PTPRG: variants seen among roughly 807,000 people sequenced by gnomAD.
PTPRG encodes protein tyrosine phosphatase receptor type G, also known as receptor-type tyrosine-protein phosphatase gamma.
In PTPRG, 102 loss-of-function variants were observed where a neutral mutation model predicts 165.3. That is an observed-to-expected ratio of 0.62 (90% CI 0.53 to 0.73). The LOEUF (loss-of-function observed/expected upper bound fraction) is 0.73, where lower values mean the gene tolerates loss of function less well. Ranked by LOEUF, PTPRG falls within the 30% of genes least tolerant of loss-of-function variation. The pLI is 0.00. For missense variants in PTPRG, 1,866 were observed against 1,861.4 expected, an observed-to-expected ratio of 1.00 and a Z score of -0.05; for synonymous variants, 675 against 669.5, an observed-to-expected ratio of 1.01 and a Z score of -0.13.
intron 5 of PTPRG, among the ~76,000 whole-genome samples, chr3:62,104,671 T>TTAA (rs908305659): frequency 1.3e-5 from 2 of 152,214 alleles, no homozygotes; most frequent in African/African-American, 4.8e-5. Flanking sequence ...GGACTTGAGC[T>TTAA]TAACTCTCTG....
At chr3:61,980,620 C>T (rs2040618173) in intron 2 of PTPRG, among the ~76,000 whole-genome samples, 1 of 152,076 alleles carries the variant, frequency 6.6e-6, no homozygotes, top group African/African-American at 2.4e-5. Flanking sequence ...AAATGTTGGT[C>T]TTCTTAAACC....
At chr3:61,702,423 A>G (rs2031017922) in intron 1 of PTPRG, among the ~76,000 whole-genome samples, 1 of 152,266 alleles carries the variant, frequency 6.6e-6, no homozygotes, top group Non-Finnish European at 1.5e-5. Flanking sequence ...CAGGAAATAA[A>G]GTAACTGACT....
At chr3:62,149,252 G>T (rs183226519) in intron 6 of PTPRG, among the ~76,000 whole-genome samples, 41 of 148,112 alleles carry the variant, frequency 2.8e-4, no homozygotes, top group African/African-American at 9.6e-4. Flanking sequence ...TCCCTCTGGG[G>T]TCCCCCTAGG....
intron 28 of PTPRG, among the ~76,000 whole-genome samples, chr3:62,285,413 T>G (rs1200217469): frequency 6.6e-6 from 1 of 151,422 alleles, no homozygotes; most frequent in Non-Finnish European, 1.5e-5. Flanking sequence ...CCTGCACGCA[T>G]TTGATCTGTG....
chr3:62,159,759 G>A (rs749772623), intron 7 of PTPRG, among the ~76,000 whole-genome samples: 37 of 152,078 alleles, frequency 2.4e-4, no homozygotes, highest in Admixed American at 6.6e-4. Context: ...GCTACAAACC[G>A]TCTTAAGATA....
chr3:62,014,766 C>T (rs2041501061), intron 4 of PTPRG, among the ~76,000 whole-genome samples: 1 of 152,116 alleles, frequency 6.6e-6, no homozygotes, highest in South Asian at 2.1e-4. Context: ...TTCTTTGTGT[C>T]ATTTATTGGA....
chr3:61,678,374 C>T (rs542023256), intron 1 of PTPRG, among the ~76,000 whole-genome samples: 2 of 152,114 alleles, frequency 1.3e-5, no homozygotes, highest in Admixed American at 6.6e-5. Flanking sequence ...CAATGTCTGG[C>T]GTAGTTGTCT....
At chr3:61,922,970 A>G (rs1258189402) in intron 2 of PTPRG, among the ~76,000 whole-genome samples, 1 of 152,120 alleles carries the variant, frequency 6.6e-6, no homozygotes, top group South Asian at 2.1e-4. Context: ...CATTATTTCT[A>G]TCCTGCTCTA....
At chr3:62,184,735 G>A (rs1466213424) in intron 8 of PTPRG, among the ~76,000 whole-genome samples, 3 of 152,150 alleles carry the variant, frequency 2.0e-5, no homozygotes, top group African/African-American at 7.2e-5. Context: ...ATATGATGTT[G>A]CAACACCTCC....
chr3:61,967,233 A>G (rs2040291221), intron 2 of PTPRG, among the ~76,000 whole-genome samples: 2 of 152,164 alleles, frequency 1.3e-5, no homozygotes, highest in Non-Finnish European at 2.9e-5. Context: ...CTTTGTCCGC[A>G]CATCTGGTTG....
chr3:61,733,077 T>G (rs1219273548), intron 1 of PTPRG, among the ~76,000 whole-genome samples: 1 of 152,206 alleles, frequency 6.6e-6, no homozygotes, highest in East Asian at 1.9e-4. Context: ...AAACATACTG[T>G]GTTTCTTGTG....
chr3:62,025,323 G>T (rs973295230), intron 4 of PTPRG, among the ~76,000 whole-genome samples: 3 of 152,156 alleles, frequency 2.0e-5, no homozygotes, highest in Non-Finnish European at 4.4e-5. Context: ...TTTTGCTTTG[G>T]TGTTCGAGAA....
chr3:62,248,553 C>G (rs1456293497), intron 15 of PTPRG, among the ~76,000 whole-genome samples: 1 of 152,092 alleles, frequency 6.6e-6, no homozygotes, highest in Admixed American at 6.6e-5. Flanking sequence ...TCTAGTGACT[C>G]AGGAATATTC....
chr3:61,860,608 AT>A (rs558603793), intron 2 of PTPRG, among the ~76,000 whole-genome samples: 1 of 151,364 alleles, frequency 6.6e-6, no homozygotes, highest in African/African-American at 2.4e-5. Flanking sequence ...TCACCGGCTA[AT>A]TTTTTTGTAT....
rs1701505655 is a variant in PTPRG, at chr3:62,255,024, A to G, written c.2468-100A>G. ...GTGATACAATTATTTTGCTCTTTGCAAAAATCAAGTATTTGTCTTAAGGAT... is the reference window on the plus strand; with the variant it reads ...GTGATACAATTATTTTGCTCTTTGCGAAAATCAAGTATTTGTCTTAAGGAT... On this transcript the variant is annotated intron_variant, in intron 15 of 29. Coordinates refer to ENST00000474889, the MANE Select transcript of PTPRG (RefSeq NM_002841.4). The surrounding 1 kb of genome is among the most constrained non-coding windows in gnomAD (Gnocchi z 4.0). 15 of 1,025,188 alleles carry G rather than the reference A, an allele frequency of 1.5e-5. No homozygotes were observed. In the South Asian group the frequency reaches 2.4e-4, roughly 17 times the overall value. The allele number at this position is 1,025,188 out of a possible 1,614,324, so 63.5% of individuals were successfully genotyped here.
intron 2 of PTPRG, among the ~76,000 whole-genome samples, chr3:61,885,404 GT>G (rs11304471): frequency 0.13 from 18,690 of 147,396 alleles, 2,047 homozygotes; most frequent in African/African-American, 0.3. Context: ...CACTGTCGGT[GT>G]TTTTTTTTTA....
intron 1 of PTPRG, chr3:61,659,568 C>G (rs1184513907): frequency 3.2e-5 from 18 of 568,596 alleles, no homozygotes; most frequent in African/African-American, 6.1e-5. Flanking sequence ...TTCTTGGTAA[C>G]CTTTGAGTGT....
rs181087855 is a variant in PTPRG at position 62,285,210 on chromosome 3, G to A, written c.4055+2341G>A. Among the ~76,000 whole-genome samples, 12 of 152,210 alleles carry A rather than the reference G, an allele frequency of 7.9e-5. No individual in the cohort carries two copies. In the South Asian group the frequency reaches 1.9e-3, roughly 24 times the overall value. On this transcript the variant is annotated intron_variant, in intron 28 of 29. Coordinates refer to ENST00000474889, the MANE Select transcript of PTPRG (RefSeq NM_002841.4). ...GTGGGTACTAGACAAGTATTTGCAC[G>A]AACGGGTATGTGTTTTAAATTGTGG...
chr3:62,206,132 G>A (rs1462686787), intron 12 of PTPRG, among the ~76,000 whole-genome samples: 2 of 152,182 alleles, frequency 1.3e-5, no homozygotes, highest in African/African-American at 2.4e-5. Flanking sequence ...TAGGCTGGGA[G>A]TATTTACAGT....
Sources: allele counts gnomAD v4.1 joint callset (sites outside exome capture counted in the v4.1 genomes callset), GRCh38; gene constraint gnomAD v4.1.1; non-coding constraint Gnocchi (gnomAD v3.1); transcripts MANE v1.5; gene names NCBI Gene and HGNC (gene_info 2026-07-23, HGNC 2026-07-21).